Variants in RAI1 observed in about 807,000 individuals in gnomAD.
The protein encoded by RAI1 is retinoic acid-induced protein 1.
A neutral mutation model predicts 123.8 loss-of-function variants in RAI1; 9 were observed. The observed-to-expected ratio is 0.07, with a 90% CI of 0.04 to 0.13. The LOEUF is 0.13. Among genes scored for constraint, RAI1 ranks in the 10% least tolerant of loss-of-function variants. RAI1 has a pLI of 1.00. For synonymous variants in RAI1, 1,231 were observed against 1,127.3 expected (o/e 1.09, Z -1.84); for missense variants, 2,256 against 2,545.8 (o/e 0.89, Z 2.45).
intron 1 of RAI1, among the ~76,000 whole-genome samples, chr17:17,718,591 A>G (rs567015006): frequency 2.6e-5 from 4 of 152,308 alleles, no homozygotes; most frequent in Non-Finnish European, 4.4e-5. Flanking sequence ...CGCCTGGAAC[A>G]TGGTGGGTTC....
At chr17:17,737,343 G>A (rs1916463378) in intron 2 of RAI1, among the ~76,000 whole-genome samples, 1 of 152,088 alleles carries the variant, frequency 6.6e-6, no homozygotes, top group Admixed American at 6.5e-5. Context: ...CCGAGGGAGG[G>A]TCTTGCCCAG....
intron 1 of RAI1, among the ~76,000 whole-genome samples, chr17:17,722,519 C>T (rs1031412481): frequency 6.6e-5 from 10 of 152,218 alleles, no homozygotes; most frequent in Non-Finnish European, 1.5e-4. Context: ...GCGCTCCCCT[C>T]GGCCGCCGGG....
chr17:17,794,217 T>A lies in RAI1; in HGVS notation c.1269T>A (p.Pro423=), dbSNP rs748834872. Residue 423 remains proline, a synonymous_variant, in exon 3 of 6, where the codon CCT becomes CCA. Coordinates refer to ENST00000353383, the MANE Select transcript of RAI1 (RefSeq NM_030665.4). ...NCKPLQKDKL[P]ENLLSDLSLQ... is the part of the protein sequence containing the mutation. ...AGCCCCTTCAGAAGGACAAGCTCCC[T>A]GAGAACCTGCTGTCGGATCTCAGCC... 9 of 1,613,466 alleles carry A rather than the reference T, an allele frequency of 5.6e-6. No individual in the cohort carries two copies. The highest frequency in any genetic ancestry group is 5.9e-6 in the Non-Finnish European group (7 of 1,180,030).
Position 17,793,171 on chromosome 17 carries a change from G to A in RAI1, c.223G>A (p.Ala75Thr), listed in dbSNP as rs566875015. 8.1e-6 allele frequency: 13 copies of A among 1,613,074 alleles called. No homozygotes were observed. The highest frequency in any genetic ancestry group is 1.7e-5 in the Admixed American group (1 of 59,948). ...CTCTGGCACTGCAGCCGCGGTGGCC[G>A]CCGACAAGTACCACCGAGGCAGCAA... ...TPSGTAAAVA[A>T]DKYHRGSKAL... Residue 75 changes from alanine to threonine, a missense_variant, in exon 3 of 6, where the codon GCC becomes ACC. Ala to Thr is a moderately conservative substitution (Grantham distance 58). Around this residue, in one of 7 missense-constraint regions of RAI1, gnomAD observed 336 missense variants for 349.8 expected, o/e 0.96. Transcript: ENST00000353383.
chr17:17,699,237 C>A (rs183763579), intron 1 of RAI1, among the ~76,000 whole-genome samples: 1 of 152,292 alleles, frequency 6.6e-6, no homozygotes, highest in Admixed American at 6.5e-5. Context: ...CGCTCCCTGC[C>A]AGGGCCCTCA....
chr17:17,784,651 C>T (rs1278580740), intron 2 of RAI1, among the ~76,000 whole-genome samples: 1 of 152,160 alleles, frequency 6.6e-6, no homozygotes, highest in African/African-American at 2.4e-5. Context: ...TAGAAGCAAG[C>T]CGGAGACCCC....
rs2032169606 is a variant in RAI1, at chr17:17,794,847, C to T, written c.1899C>T (p.Val633=). 2 of 1,613,252 alleles carry T rather than the reference C, an allele frequency of 1.2e-6. No homozygotes were observed. Among genetic ancestry groups the T allele is most frequent in the Non-Finnish European group, 1.7e-6 (2 of 1,179,984 alleles). The change falls in exon 3 of 6, where the codon GTC becomes GTT. Residue 633 remains valine, a synonymous_variant. Coordinates refer to ENST00000353383, the MANE Select transcript of RAI1 (RefSeq NM_030665.4). ...CTTGGGCTGAAGCACCCAGCCTGGT[C>T]AAGGACAGCAGCAAGCCACCCTTCT... ...DKAWAEAPSL[V]KDSSKPPFSL...
At chr17:17,748,350 G>A (rs543993420) in intron 2 of RAI1, among the ~76,000 whole-genome samples, 1 of 152,230 alleles carries the variant, frequency 6.6e-6, no homozygotes, top group Non-Finnish European at 1.5e-5. Flanking sequence ...CATGGAGAAG[G>A]GGACAGCCAG....
intron 2 of RAI1, among the ~76,000 whole-genome samples, chr17:17,729,087 C>A (rs1461827666): frequency 6.6e-6 from 1 of 152,186 alleles, no homozygotes; most frequent in Non-Finnish European, 1.5e-5. Flanking sequence ...CCAACCTGGG[C>A]AAGGCCTGCC....
intron 1 of RAI1, among the ~76,000 whole-genome samples, chr17:17,696,438 G>T (rs906790705): frequency 2.0e-5 from 3 of 152,124 alleles, no homozygotes; most frequent in South Asian, 2.1e-4. Flanking sequence ...TTCGCTTTGT[G>T]TTTTTTGTCT....
chr17:17,790,337 A>T lies in RAI1; in HGVS notation c.-16-2596A>T, dbSNP rs566104125. ...GTTCCAGGGTGGTGTTGGGGCGAGCATTTTTGCCTGCATTCTCCATCAGCA... is the reference window on the plus strand; with the variant it reads ...GTTCCAGGGTGGTGTTGGGGCGAGCTTTTTTGCCTGCATTCTCCATCAGCA... On this transcript the variant is annotated intron_variant, in intron 2 of 5. Transcript: ENST00000353383. Among the ~76,000 whole-genome samples the T allele has an allele frequency of 3.4e-3, 511 of 152,112 alleles. 1 individual carries two copies. The highest frequency in any genetic ancestry group is 5.6e-3 in the Non-Finnish European group (384 of 67,996).
chr17:17,694,616 C>G (rs1402193603), intron 1 of RAI1, among the ~76,000 whole-genome samples: 1 of 151,960 alleles, frequency 6.6e-6, no homozygotes, highest in South Asian at 2.1e-4. Flanking sequence ...CTGCCGGTCC[C>G]GCCCCTCCCC....
At chr17:17,721,117 G>A (rs1403037657) in intron 1 of RAI1, among the ~76,000 whole-genome samples, 1 of 152,178 alleles carries the variant, frequency 6.6e-6, no homozygotes, top group East Asian at 1.9e-4. Flanking sequence ...TACTCACTGA[G>A]CGACCTCAGG....
chr17:17,766,857 T>G (rs1455689098), intron 2 of RAI1, among the ~76,000 whole-genome samples: 1 of 151,854 alleles, frequency 6.6e-6, no homozygotes, highest in African/African-American at 2.4e-5. Context: ...GTGCTGGAGA[T>G]AGATGGTGGC....
In RAI1 at chr17:17,810,804, C is replaced by CCAGAACGG. The variant is rs1285157716; in HGVS notation, c.*823_*824insCAGAACGG. ...AGAAGCGGCCAGAACGCACCTCCGGCTCCGGCGGACGCGCGACCGTTGTGC... is the reference window on the plus strand; with the variant it reads ...AGAAGCGGCCAGAACGCACCTCCGGCCAGAACGGTCCGGCGGACGCGCGACCGTTGTGC... On this transcript the variant is annotated 3_prime_UTR_variant, in exon 6 of 6. Transcript: ENST00000353383. This position sits in a 1 kb window ranked among gnomAD's most constrained non-coding sequence, Gnocchi z 4.6. The CCAGAACGG allele has an allele frequency of 2.2e-6, 1 of 454,976 alleles. No individual in the cohort carries two copies. The highest frequency in any genetic ancestry group is 4.4e-6 in the Non-Finnish European group (1 of 225,700). 28.2% of individuals were successfully genotyped at this position (454,976 alleles called of 1,614,324 possible).
chr17:17,716,420 G>T (rs973050895), intron 1 of RAI1, among the ~76,000 whole-genome samples: 7 of 152,208 alleles, frequency 4.6e-5, no homozygotes, highest in African/African-American at 1.4e-4. Context: ...ATACATCTCT[G>T]CATGTAGCTG....
At chr17:17,766,607 C>T (rs151066542) in intron 2 of RAI1, among the ~76,000 whole-genome samples, 2,810 of 152,312 alleles carry the variant, frequency 0.018, 85 homozygotes, top group African/African-American at 0.064. Flanking sequence ...CCAAGGCAGG[C>T]GGAGAGCACT....
intron 4 of RAI1, among the ~76,000 whole-genome samples, chr17:17,804,840 TTTTA>T (rs575206893): frequency 0.086 from 12,911 of 149,314 alleles, 1,925 homozygotes; most frequent in African/African-American, 0.3. Context: ...GTGTTTTTAT[TTTTA>T]TTTATTTATT....
At chr17:17,713,811 G>T (rs912701263) in intron 1 of RAI1, among the ~76,000 whole-genome samples, 2 of 152,150 alleles carry the variant, frequency 1.3e-5, no homozygotes, top group Non-Finnish European at 2.9e-5. Flanking sequence ...TGTGACTAGG[G>T]CCAGAGATGG....
Sources: allele counts gnomAD v4.1 joint callset (sites outside exome capture counted in the v4.1 genomes callset), GRCh38; gene constraint gnomAD v4.1.1; regional missense constraint gnomAD v4.1.1; non-coding constraint Gnocchi (gnomAD v3.1); transcripts MANE v1.5; gene names NCBI Gene and HGNC (gene_info 2026-07-23, HGNC 2026-07-21).